RSF1: variants seen among roughly 807,000 people sequenced by gnomAD.
RSF1 encodes the protein remodeling and spacing factor 1.
In RSF1, 13 loss-of-function variants were observed where a neutral mutation model predicts 145.2. The ratio of observed to expected loss-of-function variants is 0.09; its 90% confidence interval spans 0.06 to 0.14. The LOEUF (loss-of-function observed/expected upper bound fraction) is 0.14, where lower values mean the gene tolerates loss of function less well. Ranked by LOEUF, RSF1 falls within the 10% of genes least tolerant of loss-of-function variation. The pLI is 1.00. For missense variants in RSF1, 1,517 were observed against 1,718.2 expected (o/e 0.88, Z 2.07); for synonymous variants, 577 against 592.6 (o/e 0.97, Z 0.38).
At chr11:77,727,913 C>T (rs1259844226) in intron 4 of RSF1, among the ~76,000 whole-genome samples, 1 of 152,180 alleles carries the variant, frequency 6.6e-6, no homozygotes, top group Admixed American at 6.5e-5. Flanking sequence ...GAAAACAAAA[C>T]TACCCATCTT....
At chr11:77,766,578 G>C (rs756321100) in intron 1 of RSF1, among the ~76,000 whole-genome samples, 1 of 152,046 alleles carries the variant, frequency 6.6e-6, no homozygotes, top group Non-Finnish European at 1.5e-5. Flanking sequence ...AATTATGGGG[G>C]GTTAAGGGTG....
At chr11:77,817,934 TC>T (rs1439924852) in intron 1 of RSF1, among the ~76,000 whole-genome samples, 2 of 152,172 alleles carry the variant, frequency 1.3e-5, no homozygotes, top group African/African-American at 4.8e-5. Flanking sequence ...GATGATGATA[TC>T]ATGGTTCATC....
the RSF1 span, chr11:77,850,966 T>G: frequency 6.7e-6 from 1 of 149,228 alleles, no homozygotes; most frequent in African/African-American, 2.5e-5. Context: ...TTTTTTTTTT[T>G]TTTTTTTGAG....
At chr11:77,844,821 C>T in the RSF1 span, among the ~76,000 whole-genome samples, 6 of 152,208 alleles carry the variant, frequency 3.9e-5, no homozygotes, top group African/African-American at 9.6e-5. Context: ...GTCAGTGGAG[C>T]GCCTCATGAT....
At chr11:77,820,454 G>C in intron 1 of RSF1, 74 bp downstream of exon 1, 2 of 1,445,266 alleles carry the variant, frequency 1.4e-6, no homozygotes, top group Non-Finnish European at 1.9e-6. Context: ...CGAAGAACCG[G>C]GGCGCCTGTG....
chr11:77,849,406 G>T, the RSF1 span, among the ~76,000 whole-genome samples: 7 of 151,936 alleles, frequency 4.6e-5, no homozygotes, highest in East Asian at 9.7e-4. Flanking sequence ...TGTATTTTTA[G>T]TAAAGATGGC....
intron 2 of RSF1, among the ~76,000 whole-genome samples, chr11:77,747,488 C>T (rs1948014181): frequency 6.6e-6 from 1 of 152,112 alleles, no homozygotes; most frequent in Non-Finnish European, 1.5e-5. Context: ...ATCTTTTTGC[C>T]TAGGACAGAA....
At chr11:77,699,096 T>C (rs998757669) in intron 6 of RSF1, among the ~76,000 whole-genome samples, 1 of 152,212 alleles carries the variant, frequency 6.6e-6, no homozygotes, top group African/African-American at 2.4e-5. Flanking sequence ...ATCTCTGTGG[T>C]TAGGATAAAT....
At position 77,711,972 on chromosome 11, in the gene RSF1, T is replaced by C. The variant is rs540839891; in HGVS notation, c.734-9477A>G. On this transcript the variant is annotated intron_variant, in intron 5 of 15. Transcript: ENST00000308488. Reference sequence around the variant, plus strand: ...AGTTATTCTGTAGAATACCTCTTAATTTGGGCTTGTTTGGTGTTTTCTCTA... The same window carrying C: ...AGTTATTCTGTAGAATACCTCTTAACTTGGGCTTGTTTGGTGTTTTCTCTA... 1.0e-4 allele frequency among the ~76,000 whole-genome samples: 15 copies of C among 150,378 alleles called. No individual in the cohort carries two copies. In the South Asian group the frequency reaches 3.1e-3, roughly 31 times the overall value.
At chr11:77,778,596 C>T (rs1357530635) in intron 1 of RSF1, among the ~76,000 whole-genome samples, 1 of 152,112 alleles carries the variant, frequency 6.6e-6, no homozygotes, top group Non-Finnish European at 1.5e-5. Context: ...ATCTTCCTAC[C>T]TCAGCCTACC....
intron 7 of RSF1, among the ~76,000 whole-genome samples, chr11:77,695,207 T>C (rs1960252273): frequency 1.3e-5 from 2 of 152,122 alleles, no homozygotes; most frequent in Non-Finnish European, 2.9e-5. Flanking sequence ...TAGTAATAAA[T>C]CAATAAATAC....
In RSF1 at chr11:77,701,414, T is replaced by G; in HGVS notation, c.1815A>C (p.Pro605=). The change falls in exon 6 of 16, where the codon CCA becomes CCC. Residue 605 remains proline, a synonymous_variant. Coordinates refer to ENST00000308488, the MANE Select transcript of RSF1 (RefSeq NM_016578.4). Reference sequence around the variant, plus strand: ...TACTCTTTGGAACTTCTTCTGGTATTGGACTCAATCTTTGTGCGTCCTTAT... The same window carrying G: ...TACTCTTTGGAACTTCTTCTGGTATGGGACTCAATCTTTGTGCGTCCTTAT... ...FLDKDAQRLS[P]IPEEVPKSTL... The G allele has an allele frequency of 6.2e-7, 1 of 1,614,118 alleles. No individual in the cohort carries two copies. Among genetic ancestry groups the G allele is most frequent in the Non-Finnish European group, 8.5e-7 (1 of 1,180,032 alleles).
At chr11:77,709,624 A>G (rs1960632171) in intron 5 of RSF1, among the ~76,000 whole-genome samples, 1 of 152,212 alleles carries the variant, frequency 6.6e-6, no homozygotes, top group African/African-American at 2.4e-5. Context: ...GATGCACATA[A>G]TGGAAAATTT....
the RSF1 span, chr11:77,868,657 T>C: frequency 6.4e-6 from 1 of 157,058 alleles, no homozygotes; most frequent in Non-Finnish European, 1.4e-5. Flanking sequence ...TTTTTTTTAA[T>C]GTACAGTCCA....
chr11:77,799,412 G>C (rs1206088151), intron 1 of RSF1, among the ~76,000 whole-genome samples: 2 of 151,424 alleles, frequency 1.3e-5, no homozygotes. Flanking sequence ...GGAAGTGAAA[G>C]GATCGCTTGA....
chr11:77,859,300 C>G, the RSF1 span, among the ~76,000 whole-genome samples: 1 of 152,148 alleles, frequency 6.6e-6, no homozygotes, highest in Non-Finnish European at 1.5e-5. Flanking sequence ...TCAATATCTG[C>G]TTGGTAGTTC....
At chr11:77,802,013 T>C (rs1948631095) in intron 1 of RSF1, among the ~76,000 whole-genome samples, 1 of 151,722 alleles carries the variant, frequency 6.6e-6, no homozygotes, top group African/African-American at 2.4e-5. Flanking sequence ...AAAATAATAA[T>C]AATAATAATC....
chr11:77,687,478 G>C (rs2135833228), intron 9 of RSF1, among the ~76,000 whole-genome samples: 1 of 152,098 alleles, frequency 6.6e-6, no homozygotes, highest in Middle Eastern at 3.4e-3. Context: ...GGTAACCTTG[G>C]GTAGATCACT....
chr11:77,751,750 T>C (rs971376169), intron 2 of RSF1, among the ~76,000 whole-genome samples: 1 of 152,290 alleles, frequency 6.6e-6, no homozygotes, highest in Non-Finnish European at 1.5e-5. Flanking sequence ...CCTCTCCCTA[T>C]TCCCTCTTTC....
Sources: allele counts gnomAD v4.1 joint callset (sites outside exome capture counted in the v4.1 genomes callset), GRCh38; gene constraint gnomAD v4.1.1; transcripts MANE v1.5; gene names NCBI Gene and HGNC (gene_info 2026-07-23, HGNC 2026-07-21).